Variants in EXOC6B observed in about 807,000 individuals in gnomAD.
The protein encoded by EXOC6B is SEC15 homolog B.
Under a neutral mutation model 113.5 loss-of-function variants are expected in EXOC6B, and 54 were observed. That is an observed-to-expected ratio of 0.48 (90% CI 0.38 to 0.60). The LOEUF (loss-of-function observed/expected upper bound fraction) is 0.60, where lower values mean the gene tolerates loss of function less well. Ranked by LOEUF, EXOC6B falls within the 20% of genes least tolerant of loss-of-function variation. The pLI, the probability that EXOC6B is intolerant of heterozygous loss-of-function variation, is 0.00. For missense variants in EXOC6B, 797 were observed against 977.5 expected (o/e 0.82, Z 2.46); for synonymous variants, 357 against 339.0 (o/e 1.05, Z -0.58).
At chr2:72,182,153 G>A (rs905712679) in intron 21 of EXOC6B, among the ~76,000 whole-genome samples, 2 of 152,156 alleles carry the variant, frequency 1.3e-5, no homozygotes, top group Non-Finnish European at 2.9e-5. Flanking sequence ...GTGTTTGGAA[G>A]GAAGCTTTTA....
intron 6 of EXOC6B, among the ~76,000 whole-genome samples, chr2:72,690,668 A>G (rs1156257698): frequency 1.3e-5 from 2 of 152,160 alleles, no homozygotes; most frequent in Non-Finnish European, 2.9e-5. Flanking sequence ...AGCCTGTTAT[A>G]TCTTCTTAGT....
chr2:72,608,078 T>C (rs1156550922), intron 6 of EXOC6B, among the ~76,000 whole-genome samples: 1 of 152,122 alleles, frequency 6.6e-6, no homozygotes, highest in African/African-American at 2.4e-5. Context: ...TATTTAGACC[T>C]GAATAGACAC....
intron 20 of EXOC6B, among the ~76,000 whole-genome samples, chr2:72,244,470 T>C (rs533237435): frequency 6.6e-6 from 1 of 151,964 alleles, no homozygotes; most frequent in African/African-American, 2.4e-5. Flanking sequence ...CTAAAATCAA[T>C]AATCTAAGCT....
chr2:72,273,588 T>C (rs759385621), intron 20 of EXOC6B, among the ~76,000 whole-genome samples: 1 of 152,030 alleles, frequency 6.6e-6, no homozygotes, highest in Non-Finnish European at 1.5e-5. Flanking sequence ...ATCTTAAAAG[T>C]TGAGTAAATG....
intron 18 of EXOC6B, chr2:72,464,406 G>T (rs1697906354): frequency 6.6e-6 from 1 of 152,090 alleles, no homozygotes; most frequent in African/African-American, 2.4e-5. Context: ...TACCAACAAG[G>T]GCAAACAAAG....
At chr2:72,569,490 C>T (rs1425021335) in intron 7 of EXOC6B, among the ~76,000 whole-genome samples, 1 of 152,040 alleles carries the variant, frequency 6.6e-6, no homozygotes, top group Non-Finnish European at 1.5e-5. Context: ...TCTATTACTA[C>T]CATGCTTAGA....
chr2:72,298,531 A>G (rs994317309), intron 20 of EXOC6B, among the ~76,000 whole-genome samples: 6 of 152,186 alleles, frequency 3.9e-5, no homozygotes, highest in Admixed American at 3.3e-4. Flanking sequence ...TGTCATTATG[A>G]TGCCAGCTGG....
intron 6 of EXOC6B, among the ~76,000 whole-genome samples, chr2:72,698,839 A>C (rs1383427231): frequency 6.6e-6 from 1 of 152,214 alleles, no homozygotes; most frequent in Non-Finnish European, 1.5e-5. Flanking sequence ...TAATGGTATA[A>C]AATTAAACTG....
chr2:72,364,966 T>A (rs1296457627), intron 19 of EXOC6B, among the ~76,000 whole-genome samples: 1 of 152,172 alleles, frequency 6.6e-6, no homozygotes, highest in African/African-American at 2.4e-5. Context: ...ATCTCAAGAA[T>A]CAATTTTGAC....
At chr2:72,648,828 T>C (rs1351281839) in intron 6 of EXOC6B, among the ~76,000 whole-genome samples, 1 of 152,194 alleles carries the variant, frequency 6.6e-6, no homozygotes, top group Non-Finnish European at 1.5e-5. Flanking sequence ...AATGTTCTCA[T>C]TGATTTGTGG....
intron 20 of EXOC6B, among the ~76,000 whole-genome samples, chr2:72,326,871 G>A (rs868804331): frequency 3.9e-5 from 6 of 151,996 alleles, no homozygotes; most frequent in African/African-American, 4.8e-5. Flanking sequence ...AGGATGAAGC[G>A]GAAAGTGCTG....
chr2:72,316,900 G>A lies in EXOC6B; in HGVS notation c.2196+18047C>T, dbSNP rs538018020. On this transcript the variant is annotated intron_variant, in intron 20 of 21. Transcript: ENST00000272427. ...ACATTTGAGCCAAGCTGTGAAGGAA[G>A]AGAATGCATTTGTCACTCTACAGAG... Among the ~76,000 whole-genome samples the A allele has an allele frequency of 1.1e-4, 17 of 152,352 alleles. No individual in the cohort carries two copies. The East Asian group carries it at 1.4e-3, about 12-fold the overall frequency.
chr2:72,607,915 A>C (rs1212042907), intron 6 of EXOC6B, among the ~76,000 whole-genome samples: 1 of 152,136 alleles, frequency 6.6e-6, no homozygotes, highest in African/African-American at 2.4e-5. Flanking sequence ...AAAGAATTCC[A>C]ATTCACAGTA....
At chr2:72,464,550 A>T (rs1204775500) in intron 18 of EXOC6B, 1 of 152,364 alleles carries the variant, frequency 6.6e-6, no homozygotes, top group East Asian at 1.9e-4. Context: ...CTGGTGGAAG[A>T]TAACACCACC....
intron 20 of EXOC6B, among the ~76,000 whole-genome samples, chr2:72,219,477 A>G (rs1188423800): frequency 3.3e-5 from 5 of 152,056 alleles, no homozygotes; most frequent in Non-Finnish European, 7.4e-5. Flanking sequence ...AGTTTATAGT[A>G]TTGTCATTCT....
rs1015393946 is a variant in EXOC6B at position 72,502,473 on chromosome 2, G to A, written c.1168-2501C>T. 4.1e-4 allele frequency among the ~76,000 whole-genome samples: 62 copies of A among 152,246 alleles called. 1 individual carries two copies. Among genetic ancestry groups the A allele is most frequent in the East Asian group, 3.9e-4 (2 of 5,168 alleles). On this transcript the variant is annotated intron_variant, in intron 11 of 21. Coordinates refer to ENST00000272427, the MANE Select transcript of EXOC6B (RefSeq NM_015189.3). ...TGAGGCACGAGAATTGCTTGAACCC[G>A]GGAGGCAGAGGTTGCAGTGAGCAGA... is the stretch of plus-strand genomic sequence containing the variant.
intron 8 of EXOC6B, among the ~76,000 whole-genome samples, chr2:72,558,262 TGA>T (rs1703679666): frequency 6.7e-6 from 1 of 150,334 alleles, no homozygotes; most frequent in South Asian, 2.1e-4. Context: ...AATTGTAGAT[TGA>T]GAGAGAGGGA....
intron 5 of EXOC6B, among the ~76,000 whole-genome samples, chr2:72,722,577 C>A (rs1052670049): frequency 2.0e-5 from 3 of 151,990 alleles, no homozygotes; most frequent in Non-Finnish European, 2.9e-5. Context: ...AATAAAAGTA[C>A]AAATATAGTT....
intron 18 of EXOC6B, among the ~76,000 whole-genome samples, chr2:72,431,943 C>A (rs1262519329): frequency 2.6e-5 from 4 of 152,120 alleles, no homozygotes; most frequent in African/African-American, 9.7e-5. Flanking sequence ...TGACGGTTTC[C>A]CACTTCACCA....
Sources: gnomAD v4.1 joint callset for allele counts (sites outside exome capture counted in the v4.1 genomes callset) on GRCh38, gnomAD v4.1.1 for gene constraint, MANE v1.5 for transcripts, NCBI Gene and HGNC (gene_info 2026-07-23, HGNC 2026-07-21) for gene names.